Variants in ESR1 observed in about 807,000 individuals in gnomAD.
ESR1 encodes the protein estrogen receptor 1.
In ESR1, 12 loss-of-function variants were observed where a neutral mutation model predicts 52.7. That is an observed-to-expected ratio of 0.23 (90% CI 0.15 to 0.37). The LOEUF (loss-of-function observed/expected upper bound fraction) is 0.37. Ranked by LOEUF, ESR1 falls within the 10% of genes least tolerant of loss-of-function variation. ESR1 has a pLI of 1.00. For synonymous variants in ESR1, 305 were observed against 316.8 expected (o/e 0.96, Z 0.39); for missense variants, 584 against 779.7 (o/e 0.75, Z 2.99).
chr6:151,736,831 T>C (rs1583068794), intron 2 of ESR1, among the ~76,000 whole-genome samples: 1 of 152,076 alleles, frequency 6.6e-6, no homozygotes, highest in East Asian at 1.9e-4. Context: ...CAAGCAGCAA[T>C]GTAGGCATTT....
Position 152,053,040 on chromosome 6 carries a change from A to G in ESR1, c.1236-7951A>G, listed in dbSNP as rs2046812548. Among the ~76,000 whole-genome samples the G allele has an allele frequency of 2.0e-5, 3 of 152,178 alleles. No individual in the cohort carries two copies. The South Asian group carries it at 6.2e-4, about 32-fold the overall frequency. On this transcript the variant is annotated intron_variant, in intron 5 of 7. Transcript: ENST00000206249. This position sits in a 1 kb window ranked among gnomAD's most constrained non-coding sequence, Gnocchi z 4.1. ...TCCCATATTCTCTGAAAATAATATC[A>G]CATTTGTTTAGTAAAAAAATTGTTT... is the stretch of plus-strand genomic sequence containing the variant.
upstream of ESR1, among the ~76,000 whole-genome samples, chr6:151,800,605 C>G: frequency 6.6e-6 from 1 of 152,178 alleles, no homozygotes; most frequent in Non-Finnish European, 1.5e-5. Flanking sequence ...CTTCTACCTC[C>G]TCCAGGACCC....
chr6:151,909,597 G>T (rs931501711), intron 3 of ESR1, among the ~76,000 whole-genome samples: 12 of 152,202 alleles, frequency 7.9e-5, no homozygotes, highest in Non-Finnish European at 1.8e-4. Context: ...TCAGGTGAGA[G>T]CTCTGGAGGT....
exon 7 of ESR1, chr6:152,125,347 A>G (rs1304598811): frequency 6.5e-7 from 1 of 1,550,200 alleles, no homozygotes; most frequent in Non-Finnish European, 8.7e-7. Flanking sequence ...CCTCGTGTCT[A>G]AAGCCTCTGG....
intron 2 of ESR1, among the ~76,000 whole-genome samples, chr6:151,858,532 ATTGT>A (rs1222530892): frequency 1.3e-5 from 2 of 150,310 alleles, no homozygotes; most frequent in African/African-American, 2.4e-5. Context: ...CCTCACTTTG[ATTGT>A]TTGAATGTGT....
chr6:151,891,420 G>T (rs935408078), intron 3 of ESR1, among the ~76,000 whole-genome samples: 6 of 152,186 alleles, frequency 3.9e-5, no homozygotes, highest in African/African-American at 1.4e-4. Context: ...GAACTTTGGG[G>T]CAGTAATTAT....
At chr6:151,809,141 G>A (rs1014791209) in intron 1 of ESR1, 2 of 430,210 alleles carry the variant, frequency 4.6e-6, no homozygotes, top group African/African-American at 2.1e-5. Context: ...CCAGTGACAA[G>A]CCTGTCCCAC....
intron 6 of ESR1, among the ~76,000 whole-genome samples, chr6:152,091,885 C>G (rs966207408): frequency 6.6e-6 from 1 of 152,006 alleles, no homozygotes; most frequent in Non-Finnish European, 1.5e-5. Context: ...TGGGTGGGAA[C>G]AAAAAAGGAA....
At chr6:151,746,670 C>T (rs1238614508) in intron 2 of ESR1, among the ~76,000 whole-genome samples, 1 of 152,104 alleles carries the variant, frequency 6.6e-6, no homozygotes, top group East Asian at 1.9e-4. Flanking sequence ...ATTAGGGTGA[C>T]AATATGAATT....
At chr6:151,887,760 C>T (rs1794084654) in intron 3 of ESR1, among the ~76,000 whole-genome samples, 2 of 152,098 alleles carry the variant, frequency 1.3e-5, no homozygotes, top group Admixed American at 1.3e-4. Context: ...GCACAACAAT[C>T]CCTATAAGGA....
At chr6:152,010,558 G>A (rs1408918012) in intron 4 of ESR1, among the ~76,000 whole-genome samples, 1 of 152,024 alleles carries the variant, frequency 6.6e-6, no homozygotes, top group Middle Eastern at 3.2e-3. Flanking sequence ...AAACTTCATG[G>A]ATACTTGATT....
Position 152,094,331 on chromosome 6 carries a change from C to T in ESR1, c.1370-54C>T, listed in dbSNP as rs2152495258. The T allele has an allele frequency of 2.0e-6, 3 of 1,529,360 alleles. No individual in the cohort carries two copies. The highest frequency in any genetic ancestry group is 2.7e-6 in the Non-Finnish European group (3 of 1,103,188). The allele number at this position is 1,529,360 out of a possible 1,614,324, so 94.7% of individuals were successfully genotyped here. On this transcript the variant is annotated intron_variant, in intron 6 of 7. Coordinates refer to ENST00000206249, the MANE Select transcript of ESR1 (RefSeq NM_000125.4). This position sits in a 1 kb window ranked among gnomAD's most constrained non-coding sequence, Gnocchi z 4.6. ...ACATCCCATGAACACTCTGGGTCTC[C>T]TAGACCTCATCCTCTTTGAGCTTCT...
At chr6:152,096,987 A>T (rs1585242046) in intron 7 of ESR1, among the ~76,000 whole-genome samples, 1 of 152,216 alleles carries the variant, frequency 6.6e-6, no homozygotes, top group African/African-American at 2.4e-5. Flanking sequence ...AGCAAGCCTA[A>T]TTAGTTAATA....
At chr6:151,928,276 C>T (rs2033065498) in intron 3 of ESR1, among the ~76,000 whole-genome samples, 1 of 152,152 alleles carries the variant, frequency 6.6e-6, no homozygotes, top group Non-Finnish European at 1.5e-5. Flanking sequence ...AGCCTAACCT[C>T]CCTTAAATGT....
At chr6:152,089,618 A>T (rs537926450) in intron 6 of ESR1, among the ~76,000 whole-genome samples, 2 of 152,256 alleles carry the variant, frequency 1.3e-5, no homozygotes, top group South Asian at 4.1e-4. Context: ...TCACTCTGTC[A>T]CCCAGGCTAG....
chr6:151,903,921 A>G (rs932382438), intron 3 of ESR1, among the ~76,000 whole-genome samples: 2 of 152,252 alleles, frequency 1.3e-5, no homozygotes, highest in Non-Finnish European at 2.9e-5. Flanking sequence ...AGGTAGAGAC[A>G]GTCACATTGC....
chr6:151,899,226 G>A (rs530964147), intron 3 of ESR1, among the ~76,000 whole-genome samples: 19 of 141,836 alleles, frequency 1.3e-4, no homozygotes, highest in South Asian at 4.5e-4. Context: ...CTCACCTCCC[G>A]GACTGGGCAG....
rs2152496615 is a variant in ESR1 at position 152,094,543 on chromosome 6, A to G, written c.1528A>G (p.Ile510Val). ...QHQRLAQLLL[I>V]LSHIRHMSNK... Reference sequence around the variant, plus strand: ...CCAGCGGCTGGCCCAGCTCCTCCTCATCCTCTCCCACATCAGGCACATGAG... The same window carrying G: ...CCAGCGGCTGGCCCAGCTCCTCCTCGTCCTCTCCCACATCAGGCACATGAG... The change falls in exon 7 of 8, where the codon ATC (isoleucine) becomes GTC (valine). Residue 510 changes from isoleucine to valine, a missense_variant. Ile to Val is a conservative substitution (Grantham distance 29, BLOSUM62 3). Around this residue, in one of 6 missense-constraint regions of ESR1, gnomAD observed 141 missense variants for 289.3 expected, o/e 0.49. Transcript: ENST00000206249. The surrounding 1 kb of genome is among the most constrained non-coding windows in gnomAD (Gnocchi z 4.6). The G allele has an allele frequency of 6.2e-7, 1 of 1,613,978 alleles. No homozygotes were observed. Among genetic ancestry groups the G allele is most frequent in the Non-Finnish European group, 8.5e-7 (1 of 1,179,988 alleles).
At chr6:151,929,750 A>G (rs948657894) in intron 3 of ESR1, among the ~76,000 whole-genome samples, 5 of 152,160 alleles carry the variant, frequency 3.3e-5, no homozygotes, top group African/African-American at 4.8e-5. Flanking sequence ...CTTTTTGTAG[A>G]CAACATATAG....
Sources: allele counts gnomAD v4.1 joint callset (sites outside exome capture counted in the v4.1 genomes callset), GRCh38; gene constraint gnomAD v4.1.1; regional missense constraint gnomAD v4.1.1; non-coding constraint Gnocchi (gnomAD v3.1); transcripts MANE v1.5; gene names NCBI Gene and HGNC (gene_info 2026-07-23, HGNC 2026-07-21).